FAF1: variants seen among roughly 807,000 people sequenced by gnomAD.
The protein encoded by FAF1 is Fas associated factor 1.
Under a neutral mutation model 92.5 loss-of-function variants are expected in FAF1, and 25 were observed. The ratio of observed to expected loss-of-function variants is 0.27; its 90% confidence interval spans 0.20 to 0.38. FAF1 has a LOEUF of 0.38. Among genes scored for constraint, FAF1 ranks in the 10% least tolerant of loss-of-function variants. The pLI is 1.00. For missense variants in FAF1, 636 were observed against 793.3 expected, an observed-to-expected ratio of 0.80 and a Z score of 2.38; for synonymous variants, 234 against 273.2, an observed-to-expected ratio of 0.86 and a Z score of 1.42.
intron 1 of FAF1, among the ~76,000 whole-genome samples, chr1:50,945,630 C>T (rs1645167581): frequency 6.6e-6 from 1 of 152,150 alleles, no homozygotes; most frequent in African/African-American, 2.4e-5. Flanking sequence ...CAGGCCCTTA[C>T]TAAGGGCATC....
chr1:50,546,009 A>T (rs994857739), intron 13 of FAF1, among the ~76,000 whole-genome samples: 4 of 152,216 alleles, frequency 2.6e-5, no homozygotes, highest in Admixed American at 2.6e-4. Context: ...TCTACAAAAA[A>T]TAAAAAAATT....
intron 15 of FAF1, among the ~76,000 whole-genome samples, chr1:50,522,238 T>C (rs181948588): frequency 1.3e-5 from 2 of 152,318 alleles, no homozygotes; most frequent in African/African-American, 4.8e-5. Flanking sequence ...GTTTATCCCA[T>C]AAATCTTTAA....
intron 5 of FAF1, among the ~76,000 whole-genome samples, chr1:50,739,394 TTATGTG>T (rs1413544270): frequency 0.016 from 1,970 of 126,796 alleles, 44 homozygotes; most frequent in African/African-American, 0.058. Flanking sequence ...ATATGTGTGT[TTATGTG>T]TATGTGTATA....
At chr1:50,516,418 TA>T (rs1323218333) in intron 15 of FAF1, among the ~76,000 whole-genome samples, 2 of 152,182 alleles carry the variant, frequency 1.3e-5, no homozygotes, top group Admixed American at 1.3e-4. Context: ...GCAAGTACCC[TA>T]AAGGTAGAAA....
At chr1:50,691,065 T>A (rs1381122659) in intron 7 of FAF1, among the ~76,000 whole-genome samples, 1 of 152,242 alleles carries the variant, frequency 6.6e-6, no homozygotes, top group Non-Finnish European at 1.5e-5. Context: ...ATGCATGTTT[T>A]CAATTCTCTT....
chr1:50,746,794 C>A (rs951212846), intron 4 of FAF1, among the ~76,000 whole-genome samples: 12 of 152,198 alleles, frequency 7.9e-5, no homozygotes. Context: ...ATTTCACAGA[C>A]CTTCACAGCA....
intron 14 of FAF1, among the ~76,000 whole-genome samples, chr1:50,535,822 T>G (rs1648451240): frequency 6.6e-6 from 1 of 152,200 alleles, no homozygotes; most frequent in Admixed American, 6.6e-5. Flanking sequence ...TATATATCAC[T>G]GATTAGGCTA....
chr1:50,629,695 G>T (rs1653672920), intron 8 of FAF1, among the ~76,000 whole-genome samples: 2 of 152,104 alleles, frequency 1.3e-5, no homozygotes, highest in Admixed American at 1.3e-4. Context: ...CTAAGCCTCA[G>T]TTCCTTAATG....
At chr1:50,840,859 A>C (rs1407860844) in intron 2 of FAF1, among the ~76,000 whole-genome samples, 2 of 152,070 alleles carry the variant, frequency 1.3e-5, no homozygotes. Flanking sequence ...CTAAATTTAT[A>C]TTAATAGATG....
At chr1:50,588,867 C>A (rs1033070461) in intron 9 of FAF1, among the ~76,000 whole-genome samples, 2 of 152,198 alleles carry the variant, frequency 1.3e-5, no homozygotes, top group African/African-American at 4.8e-5. Context: ...GGCAGCAGAT[C>A]CAGATGTAGC....
At chr1:50,883,962 T>C (rs1225096845) in intron 1 of FAF1, among the ~76,000 whole-genome samples, 1 of 151,158 alleles carries the variant, frequency 6.6e-6, no homozygotes, top group Non-Finnish European at 1.5e-5. Flanking sequence ...CCGTCTCTAC[T>C]AAAAATACAA....
intron 5 of FAF1, among the ~76,000 whole-genome samples, chr1:50,740,137 T>G (rs1659324758): frequency 6.6e-6 from 1 of 152,092 alleles, no homozygotes; most frequent in South Asian, 2.1e-4. Flanking sequence ...CTTAGGGAGC[T>G]TACATTTGAG....
intron 7 of FAF1, among the ~76,000 whole-genome samples, chr1:50,657,300 A>T (rs1363712486): frequency 6.6e-6 from 1 of 150,974 alleles, no homozygotes; most frequent in Admixed American, 6.6e-5. Context: ...ATAATAATGG[A>T]GAGATTATCC....
At position 50,439,686 on chromosome 1, in the gene FAF1, A is replaced by C. The variant is rs1358019080; in HGVS notation, c.*1754T>G. ...GCTTCTTCACAGCAGCTACAGAACAAGGTCTACCTAGAAAAAAAAAGAGGT... is the reference window on the plus strand; with the variant it reads ...GCTTCTTCACAGCAGCTACAGAACACGGTCTACCTAGAAAAAAAAAGAGGT... On this transcript the variant is annotated 3_prime_UTR_variant, in exon 19 of 19. Coordinates refer to ENST00000396153, the MANE Select transcript of FAF1 (RefSeq NM_007051.3). 1 of 152,202 alleles carries C rather than the reference A, an allele frequency of 6.6e-6. No homozygotes were observed. Among genetic ancestry groups the C allele is most frequent in the African/African-American group, 2.4e-5 (1 of 41,446 alleles). The allele number at this position is 152,202 out of a possible 1,614,324, so 9.4% of individuals were successfully genotyped here.
intron 13 of FAF1, among the ~76,000 whole-genome samples, chr1:50,541,639 C>T (rs535803038): frequency 9.8e-4 from 149 of 152,114 alleles, no homozygotes; most frequent in Non-Finnish European, 1.8e-3. Context: ...TGCTTTCACA[C>T]CAATGGATTA....
At chr1:50,461,904 G>A (rs866192875) in intron 18 of FAF1, among the ~76,000 whole-genome samples, 1 of 144,148 alleles carries the variant, frequency 6.9e-6, no homozygotes, top group Admixed American at 7.0e-5. Flanking sequence ...AAAAAAAAAA[G>A]AGGAAGGAGG....
At chr1:50,562,875 A>C (rs1649993919) in intron 13 of FAF1, among the ~76,000 whole-genome samples, 1 of 152,228 alleles carries the variant, frequency 6.6e-6, no homozygotes, top group African/African-American at 2.4e-5. Context: ...TGGGTTCTGC[A>C]TCTGTTGATT....
At chr1:50,948,790 T>C (rs948525466) in intron 1 of FAF1, among the ~76,000 whole-genome samples, 4 of 152,124 alleles carry the variant, frequency 2.6e-5, no homozygotes, top group Non-Finnish European at 5.9e-5. Flanking sequence ...CCTCCCAAAG[T>C]GCTGAGATTA....
At chr1:50,879,282 ATGAAT>A (rs1462496772) in intron 1 of FAF1, among the ~76,000 whole-genome samples, 1 of 150,986 alleles carries the variant, frequency 6.6e-6, no homozygotes, top group Non-Finnish European at 1.5e-5. Context: ...GAATGAATGA[ATGAAT>A]CAGATTAATG....
Sources: allele counts gnomAD v4.1 joint callset (sites outside exome capture counted in the v4.1 genomes callset), GRCh38; gene constraint gnomAD v4.1.1; transcripts MANE v1.5; gene names NCBI Gene and HGNC (gene_info 2026-07-23, HGNC 2026-07-21).